CANX: variants seen among roughly 807,000 people sequenced by gnomAD.
CANX encodes the protein epididymis secretory sperm binding protein.
Under a neutral mutation model 75.7 loss-of-function variants are expected in CANX, and 14 were observed. That is an observed-to-expected ratio of 0.19 (90% confidence interval 0.12 to 0.29). The LOEUF is 0.29. Ranked by LOEUF, CANX falls within the 10% of genes least tolerant of loss-of-function variation. The probability of loss-of-function intolerance (pLI) is 1.00; values close to 1 mark genes in which losing one functional copy is unlikely to be tolerated. For missense variants in CANX, 567 were observed against 713.2 expected, an observed-to-expected ratio of 0.79 and a Z score of 2.34; for synonymous variants, 227 against 236.9, an observed-to-expected ratio of 0.96 and a Z score of 0.38.
chr5:179,691,759 T>C (rs1411421097), intron 1 of CANX, among the ~76,000 whole-genome samples: 1 of 152,046 alleles, frequency 6.6e-6, no homozygotes, highest in Admixed American at 6.6e-5. Context: ...CTCTCTTCTT[T>C]ATTATTTATT....
intron 3 of CANX, 130 bp from the exon 4 acceptor site, chr5:179,707,002 T>G (rs895871125): frequency 1.6e-6 from 1 of 636,848 alleles, no homozygotes; most frequent in South Asian, 1.8e-5. Context: ...GTGACAGATT[T>G]AAAGGTTGGA....
chr5:179,682,401 C>T (rs1776087013), intron 1 of CANX, among the ~76,000 whole-genome samples: 1 of 150,238 alleles, frequency 6.7e-6, no homozygotes, highest in Non-Finnish European at 1.5e-5. Context: ...ATGGTGAAAC[C>T]CTGTCTCTAA....
At position 179,706,045 on chromosome 5, in the gene CANX, G is replaced by A. The variant is rs139476887; in HGVS notation, c.171+193G>A. On this transcript the variant is annotated intron_variant, in intron 2 of 14. Coordinates refer to ENST00000247461, the MANE Select transcript of CANX (RefSeq NM_001746.4). ...GAAAAACATGGTGAAGATAAATTTG[G>A]AACGTTTTCAAAGGGAAAGCAAAAT... 1.9e-3 allele frequency among the ~76,000 whole-genome samples: 295 copies of A among 152,178 alleles called. 1 individual carries two copies. The highest frequency in any genetic ancestry group is 0.01 in the Middle Eastern group (3 of 294).
At position 179,709,065 on chromosome 5, in the gene CANX, TA is replaced by T; in HGVS notation, c.528+8del. The T allele has an allele frequency of 1.3e-6, 2 of 1,518,290 alleles. No individual in the cohort carries two copies. Among genetic ancestry groups the T allele is most frequent in the East Asian group, 4.5e-5 (2 of 44,478 alleles). 94.1% of individuals were successfully genotyped at this position (1,518,290 alleles called of 1,614,324 possible). On this transcript the variant is annotated splice_region_variant and intron_variant, in intron 6 of 14. Transcript: ENST00000247461. ...AAACACCAGAACTCAACCTGGTATG[TA>T]ATTCCCATTTCTGGAATGTGGCTGG...
chr5:179,712,165 CT>C (rs946243043), intron 7 of CANX, among the ~76,000 whole-genome samples: 10 of 147,372 alleles, frequency 6.8e-5, no homozygotes, highest in Admixed American at 1.4e-4. Context: ...TAATTTCTTC[CT>C]TTTTTTTGTT....
At position 179,731,081 on chromosome 5, in the gene CANX, C is replaced by T. The variant is rs1219852754; in HGVS notation, c.*2437C>T. Among the ~76,000 whole-genome samples the T allele has an allele frequency of 2.6e-5, 4 of 152,288 alleles. No individual in the cohort carries two copies. The highest frequency in any genetic ancestry group is 9.6e-5 in the African/African-American group (4 of 41,564). On this transcript the variant is annotated 3_prime_UTR_variant, in exon 15 of 15. Coordinates refer to ENST00000247461, the MANE Select transcript of CANX (RefSeq NM_001746.4). ...TGAAATAATGACTTTTATCTCACCA[C>T]GTGAGTTTGATGCAGTCTTTTCTGT... is the stretch of plus-strand genomic sequence containing the variant.
chr5:179,696,812 C>T (rs1234408796), upstream of CANX, among the ~76,000 whole-genome samples: 1 of 152,198 alleles, frequency 6.6e-6, no homozygotes. Context: ...CTTGTTACTG[C>T]ACTTCCTTTT....
intron 1 of CANX, chr5:179,678,900 G>A (rs1192444396): frequency 3.3e-6 from 5 of 1,534,926 alleles, no homozygotes; most frequent in East Asian, 2.4e-5. Flanking sequence ...GTGGTCCACC[G>A]CCCGCCGCGG....
rs72662128 is a variant in CANX at position 179,684,937 on chromosome 5, T to G, written c.-4+6160T>G. Among the ~76,000 whole-genome samples the G allele has an allele frequency of 2.8e-3, 377 of 133,950 alleles. 20 individuals are homozygous for G. In the East Asian group the frequency reaches 0.078, roughly 28 times the overall value. 87.9% of individuals were successfully genotyped at this position (133,950 alleles called of 152,430 possible). On this transcript the variant is annotated intron_variant, in intron 1 of 14. Coordinates refer to the CANX transcript ENST00000681674. The stretch of plus-strand genomic sequence containing the variant: ...CTGGCTAATTTTGTATTTTTTTTTT[T>G]TTTTTTTTTTTTTTTTTTTACTAGA...
At chr5:179,687,264 G>A (rs1250820691) in intron 1 of CANX, among the ~76,000 whole-genome samples, 3 of 152,052 alleles carry the variant, frequency 2.0e-5, no homozygotes, top group African/African-American at 4.8e-5. Flanking sequence ...CAACACGCCC[G>A]GCTAATTTTT....
intron 1 of CANX, chr5:179,680,780 G>T (rs1041712785): frequency 3.0e-5 from 29 of 969,426 alleles, no homozygotes; most frequent in African/African-American, 4.9e-5. Flanking sequence ...AGAAGAGAAA[G>T]AACTAGAGCA....
At chr5:179,694,404 C>T (rs781173368), upstream of CANX, 9 of 624,292 alleles carry the variant, frequency 1.4e-5, no homozygotes, top group Non-Finnish European at 2.3e-5. Context: ...GCACTGTGAT[C>T]GGGAAATGAA....
intron 1 of CANX, among the ~76,000 whole-genome samples, chr5:179,691,088 T>C (rs1401080312): frequency 1.3e-5 from 2 of 151,962 alleles, no homozygotes; most frequent in South Asian, 2.1e-4. Flanking sequence ...TGCAGCAGCA[T>C]GATCTTGGCT....
intron 8 of CANX, among the ~76,000 whole-genome samples, chr5:179,718,335 C>T (rs115183749): frequency 1.3e-3 from 203 of 151,976 alleles, no homozygotes; most frequent in African/African-American, 4.8e-3. Context: ...CACCACTGCA[C>T]TCGTGCCTCA....
chr5:179,687,149 C>G (rs1161474684), intron 1 of CANX, among the ~76,000 whole-genome samples: 1 of 151,806 alleles, frequency 6.6e-6, no homozygotes, highest in Non-Finnish European at 1.5e-5. Flanking sequence ...GTCACCCAGG[C>G]TGGAGTGCAG....
chr5:179,722,394 TGTGA>T (rs1283574132), intron 10 of CANX, among the ~76,000 whole-genome samples: 1 of 152,254 alleles, frequency 6.6e-6, no homozygotes, highest in Non-Finnish European at 1.5e-5. Context: ...GGGTGTATGT[TGTGA>T]GTATTTCTCT....
chr5:179,719,172 T>C (rs540245283), intron 8 of CANX, among the ~76,000 whole-genome samples: 3 of 152,250 alleles, frequency 2.0e-5, no homozygotes, highest in Admixed American at 2.0e-4. Flanking sequence ...AACTAACTTT[T>C]TGAGAAACTG....
At chr5:179,708,011 G>A (rs1001042087) in intron 4 of CANX, among the ~76,000 whole-genome samples, 2 of 151,742 alleles carry the variant, frequency 1.3e-5, no homozygotes. Flanking sequence ...TAATTTTTGT[G>A]TTTTTATTAG....
Position 179,723,749 on chromosome 5 carries a change from C to T in CANX, c.1488C>T (p.Phe496=). 1.2e-6 allele frequency: 2 copies of T among 1,612,772 alleles called. No homozygotes were observed. The highest frequency in any genetic ancestry group is 2.2e-5 in the East Asian group (1 of 44,806). The change falls in exon 12 of 15, where the codon TTC becomes TTT. Residue 496 remains phenylalanine (F), a synonymous_variant. Transcript: ENST00000247461. ...TTCTAACTGTAGCCCTTCCTGTGTT[C>T]CTGGTTATCCTCTTCTGCTGTTCTG... The part of the protein sequence containing the change: ...VYILTVALPV[F]LVILFCCSGK...
Sources: gnomAD v4.1 joint callset for allele counts (sites outside exome capture counted in the v4.1 genomes callset) on GRCh38, gnomAD v4.1.1 for gene constraint, MANE v1.5 for transcripts, NCBI Gene and HGNC (gene_info 2026-07-23, HGNC 2026-07-21) for gene names.